The following TENM2 variants were observed in gnomAD, a reference collection of about 807,000 sequenced individuals.
TENM2 encodes the protein teneurin-2.
TENM2 carries 52 observed loss-of-function variants against 245.2 expected under a neutral mutation model. The ratio of observed to expected loss-of-function variants is 0.21; its 90% CI spans 0.17 to 0.27. TENM2 has a LOEUF of 0.27. TENM2 is among the 10% of genes least tolerant of loss of function. The pLI, the probability that TENM2 is intolerant of heterozygous loss-of-function variation, is 1.00. For missense variants in TENM2, 3,046 were observed against 3,666.8 expected (o/e 0.83, Z 4.37); for synonymous variants, 1,363 against 1,438.9 (o/e 0.95, Z 1.19).
chr5:167,890,349 T>C (rs1159416359), intron 3 of TENM2, among the ~76,000 whole-genome samples: 2 of 152,042 alleles, frequency 1.3e-5, no homozygotes, highest in Non-Finnish European at 2.9e-5. Flanking sequence ...GTTGCCCCTT[T>C]CTGGATTGGT....
At chr5:166,982,423 A>G in the TENM2 span, among the ~76,000 whole-genome samples, 1 of 152,060 alleles carries the variant, frequency 6.6e-6, no homozygotes, top group Non-Finnish European at 1.5e-5. Flanking sequence ...CTGTTTGGCT[A>G]GTTTTTTTCA....
At chr5:168,203,662 C>T in intron 17 of TENM2, 27 bp from the exon 20 acceptor site, 1 of 1,567,764 alleles carries the variant, frequency 6.4e-7, no homozygotes, top group Non-Finnish European at 8.7e-7. Flanking sequence ...TTTTCTCTCA[C>T]TCTGCCCCAC....
chr5:167,907,484 A>G (rs1285701597), intron 3 of TENM2, among the ~76,000 whole-genome samples: 1 of 142,746 alleles, frequency 7.0e-6, no homozygotes, highest in Non-Finnish European at 1.5e-5. Flanking sequence ...CTTGATCAAG[A>G]TGGCCTTTCT....
the TENM2 span, among the ~76,000 whole-genome samples, chr5:167,140,567 A>T: frequency 6.6e-6 from 1 of 152,162 alleles, no homozygotes; most frequent in South Asian, 2.1e-4. Flanking sequence ...TATTAATAAA[A>T]TCTCAGATTT....
chr5:167,563,914 G>A (rs555972319), intron 2 of TENM2, among the ~76,000 whole-genome samples: 1 of 152,290 alleles, frequency 6.6e-6, no homozygotes, highest in South Asian at 2.1e-4. Context: ...GTTTGTGTAA[G>A]TGCACTCTAT....
At chr5:167,261,625 T>G in the TENM2 span, among the ~76,000 whole-genome samples, 1 of 152,114 alleles carries the variant, frequency 6.6e-6, no homozygotes, top group Non-Finnish European at 1.5e-5. Context: ...AGGGGACCAT[T>G]TCTCCCTTTT....
chr5:168,250,666 C>A (rs1312588327), intron 27 of TENM2, among the ~76,000 whole-genome samples: 1 of 152,128 alleles, frequency 6.6e-6, no homozygotes, highest in Non-Finnish European at 1.5e-5. Context: ...TCCCCAAGCC[C>A]CAGAAGCATC....
chr5:168,252,493 C>T (rs1242248211), intron 27 of TENM2, among the ~76,000 whole-genome samples: 1 of 152,010 alleles, frequency 6.6e-6, no homozygotes, highest in African/African-American at 2.4e-5. Context: ...CTGCCCCCAG[C>T]TCTGCCCTAT....
chr5:168,085,727 A>G (rs531359177), intron 7 of TENM2, among the ~76,000 whole-genome samples: 58 of 152,308 alleles, frequency 3.8e-4, no homozygotes, highest in African/African-American at 1.3e-3. Context: ...AGAAATGAAC[A>G]GGCCCCCAGG....
At chr5:167,591,824 A>G (rs1236858002) in intron 2 of TENM2, among the ~76,000 whole-genome samples, 1 of 152,236 alleles carries the variant, frequency 6.6e-6, no homozygotes, top group Non-Finnish European at 1.5e-5. Context: ...ATCATTGACA[A>G]GAAAAGTTAG....
intron 2 of TENM2, among the ~76,000 whole-genome samples, chr5:167,782,735 G>T (rs1437102192): frequency 6.6e-6 from 1 of 152,156 alleles, no homozygotes; most frequent in South Asian, 2.1e-4. Context: ...GTACTTTTTT[G>T]ATCTTTTCAC....
At chr5:167,453,646 C>T (rs953335117) in intron 2 of TENM2, among the ~76,000 whole-genome samples, 17 of 152,128 alleles carry the variant, frequency 1.1e-4, no homozygotes, top group Non-Finnish European at 2.4e-4. Flanking sequence ...TCATTTAGTT[C>T]ATAGTCCAGG....
At chr5:167,750,773 C>T (rs535657259) in intron 2 of TENM2, among the ~76,000 whole-genome samples, 1 of 152,214 alleles carries the variant, frequency 6.6e-6, no homozygotes, top group Admixed American at 6.5e-5. Context: ...GTTTCTCCCC[C>T]AACCTCCAGA....
At chr5:167,827,570 A>T (rs1486532692) in intron 2 of TENM2, among the ~76,000 whole-genome samples, 1 of 144,008 alleles carries the variant, frequency 6.9e-6, no homozygotes, top group Non-Finnish European at 1.5e-5. Flanking sequence ...CAGCTGAAGG[A>T]ACCAAAGTCA....
At chr5:167,970,962 C>T (rs566857146) in intron 4 of TENM2, among the ~76,000 whole-genome samples, 67 of 151,706 alleles carry the variant, frequency 4.4e-4, no homozygotes, top group Non-Finnish European at 8.8e-4. Context: ...CAGTATATGT[C>T]TGCGTATACT....
chr5:168,183,802 T>TA (rs34656922), intron 13 of TENM2, among the ~76,000 whole-genome samples: 21,839 of 138,396 alleles, frequency 0.16, 2,784 homozygotes, highest in African/African-American at 0.35. Context: ...TCTGTATAGG[T>TA]AAAAAAAAAA....
At chr5:167,525,559 T>A (rs1348160891) in intron 2 of TENM2, among the ~76,000 whole-genome samples, 2 of 152,072 alleles carry the variant, frequency 1.3e-5, no homozygotes, top group Non-Finnish European at 2.9e-5. Flanking sequence ...AATATGGAAA[T>A]TTCAACATGG....
At chr5:167,280,796 A>ATCTG (rs1193763168), upstream of TENM2, among the ~76,000 whole-genome samples, 117 of 149,578 alleles carry the variant, frequency 7.8e-4, no homozygotes, top group Admixed American at 1.5e-3. Context: ...CTATCTATCT[A>ATCTG]TCTATCTATC....
intron 2 of TENM2, among the ~76,000 whole-genome samples, chr5:167,767,189 A>T (rs1168047420): frequency 1.3e-5 from 2 of 152,218 alleles, no homozygotes; most frequent in African/African-American, 2.4e-5. Context: ...AATGTGGCAT[A>T]CACATACCAC....
Sources: allele counts gnomAD v4.1 joint callset (sites outside exome capture counted in the v4.1 genomes callset), GRCh38; gene constraint gnomAD v4.1.1; transcripts MANE v1.5; gene names NCBI Gene and HGNC (gene_info 2026-07-23, HGNC 2026-07-21).